Variants in SMIM36 observed in about 807,000 individuals in gnomAD.
SMIM36 encodes small integral membrane protein 36.
intron 3 of SMIM36, among the ~76,000 whole-genome samples, chr17:55,473,562 C>A (rs770825367): frequency 2.0e-5 from 3 of 152,062 alleles, no homozygotes; most frequent in Non-Finnish European, 2.9e-5. Context: ...TTCAGTGGAA[C>A]CTTCCTACTC....
At chr17:55,526,210 C>T in the SMIM36 span, among the ~76,000 whole-genome samples, 6 of 152,246 alleles carry the variant, frequency 3.9e-5, no homozygotes, top group African/African-American at 1.4e-4. Flanking sequence ...GTGGTGCGAT[C>T]TCGGCTCACT....
In SMIM36 at chr17:55,490,118, G is replaced by T. The variant is rs561015030; in HGVS notation, c.*175-10538C>A. On this transcript the variant is annotated intron_variant, in intron 1 of 4. Coordinates refer to ENST00000636752, the Ensembl canonical transcript of SMIM36. ...AATCTGCCTGCCTTGACCTCCCAAA[G>T]TGCTCGGATTATAGACAGGAGCCAC... is the stretch of plus-strand genomic sequence containing the variant. Among the ~76,000 whole-genome samples, 4 of 151,930 alleles carry T rather than the reference G, an allele frequency of 2.6e-5. No individual in the cohort carries two copies. The East Asian group carries it at 7.7e-4, about 29-fold the overall frequency.
chr17:55,524,108 T>C, the SMIM36 span, among the ~76,000 whole-genome samples: 1 of 152,144 alleles, frequency 6.6e-6, no homozygotes, highest in Non-Finnish European at 1.5e-5. Flanking sequence ...CCAGTGTCTG[T>C]TGTTCCCCTT....
At chr17:55,468,134 T>A (rs1909276039) in intron 3 of SMIM36, 2 of 152,366 alleles carry the variant, frequency 1.3e-5, no homozygotes, top group African/African-American at 4.8e-5. Flanking sequence ...ATTAAAAAGC[T>A]TTATTGCTCA....
intron 1 of SMIM36, among the ~76,000 whole-genome samples, chr17:55,499,105 G>C (rs1330574313): frequency 6.6e-6 from 1 of 151,638 alleles, no homozygotes; most frequent in Non-Finnish European, 1.5e-5. Flanking sequence ...CCAGTATAAA[G>C]TTCAGGCTTA....
At chr17:55,511,206 A>C (rs1267358698) in exon 1 of SMIM36, 2 of 398,520 alleles carry the variant, frequency 5.0e-6, no homozygotes, top group African/African-American at 4.1e-5. Flanking sequence ...CGTACTCCTT[A>C]CTGGGATCCT....
chr17:55,464,772 A>C (rs947178546), intron 4 of SMIM36, among the ~76,000 whole-genome samples: 1 of 152,218 alleles, frequency 6.6e-6, no homozygotes, highest in African/African-American at 2.4e-5. Context: ...CACAAATGCT[A>C]TTGATAAAGA....
exon 1 of SMIM36, chr17:55,511,231 T>C: frequency 5.0e-6 from 2 of 398,528 alleles, no homozygotes; most frequent in Non-Finnish European, 8.8e-6. Context: ...TCGGCAGTCG[T>C]ATAGCACGCA....
the SMIM36 span, among the ~76,000 whole-genome samples, chr17:55,530,754 G>A: frequency 1.3e-5 from 2 of 151,876 alleles, no homozygotes; most frequent in Non-Finnish European, 2.9e-5. Flanking sequence ...CTGTACTCCA[G>A]CCTGGGTGAC....
chr17:55,529,460 A>G, the SMIM36 span, among the ~76,000 whole-genome samples: 3 of 152,056 alleles, frequency 2.0e-5, no homozygotes, highest in East Asian at 5.8e-4. Context: ...CCCTCTATAC[A>G]AAAAATACAA....
chr17:55,468,928 T>C (rs973720003), intron 3 of SMIM36, among the ~76,000 whole-genome samples: 1 of 152,120 alleles, frequency 6.6e-6, no homozygotes, highest in South Asian at 2.1e-4. Flanking sequence ...ATCTAGATAA[T>C]GTATGTCGTA....
At chr17:55,469,934 A>C (rs1474905068) in intron 3 of SMIM36, among the ~76,000 whole-genome samples, 1 of 151,308 alleles carries the variant, frequency 6.6e-6, no homozygotes, top group African/African-American at 2.4e-5. Flanking sequence ...ATGAACTGAG[A>C]TTGTGCCATT....
the SMIM36 span, among the ~76,000 whole-genome samples, chr17:55,529,623 C>T: frequency 6.6e-6 from 1 of 151,756 alleles, no homozygotes; most frequent in Non-Finnish European, 1.5e-5. Context: ...CACACACACA[C>T]ACACACACAC....
chr17:55,529,411 C>A, the SMIM36 span, among the ~76,000 whole-genome samples: 1 of 152,058 alleles, frequency 6.6e-6, no homozygotes, highest in Non-Finnish European at 1.5e-5. Flanking sequence ...TCACTTGAGT[C>A]TAGGAGTTCA....
chr17:55,466,277 CAAAAAAAA>C lies in SMIM36; in HGVS notation c.*531+860_*531+867del, dbSNP rs796506078. ...GGGCAACAAGATCAAGACTCCGTCT[CAAAAAAAA>C]AAAAAAAAAAAAAAAAAGAAAGTGC... On this transcript the variant is annotated intron_variant, in intron 4 of 4. Coordinates refer to ENST00000636752, the Ensembl canonical transcript of SMIM36. 4.9e-4 allele frequency among the ~76,000 whole-genome samples: 23 copies of C among 46,880 alleles called. No homozygotes were observed. In the South Asian group the frequency reaches 5.1e-3, roughly 10 times the overall value. The allele number at this position is 46,880 out of a possible 152,430, so 30.8% of individuals were successfully genotyped here. A position where few individuals can be genotyped will look rare whatever the true frequency, so the allele number is the denominator to read the frequency against.
At chr17:55,468,281 C>T (rs2143253143) in intron 3 of SMIM36, 1 of 152,658 alleles carries the variant, frequency 6.6e-6, no homozygotes, top group South Asian at 2.1e-4. Flanking sequence ...GGTCCTCAGA[C>T]CAGCCCAAGG....
At chr17:55,500,004 GGTT>G (rs897836537) in intron 1 of SMIM36, among the ~76,000 whole-genome samples, 3 of 152,026 alleles carry the variant, frequency 2.0e-5, no homozygotes, top group Non-Finnish European at 2.9e-5. Flanking sequence ...TCAGTTCCTG[GGTT>G]GTTGTTTTTT....
intron 1 of SMIM36, among the ~76,000 whole-genome samples, chr17:55,488,424 G>A (rs1012471511): frequency 6.6e-6 from 1 of 152,166 alleles, no homozygotes; most frequent in Admixed American, 6.5e-5. Flanking sequence ...GCATAAAGAA[G>A]AACATTTTTA....
At chr17:55,464,007 C>T (rs529618837) in intron 4 of SMIM36, among the ~76,000 whole-genome samples, 5 of 151,866 alleles carry the variant, frequency 3.3e-5, no homozygotes, top group Admixed American at 6.6e-5. Flanking sequence ...CCTAGCTACT[C>T]GAGAGGCTGA....
Sources: allele counts gnomAD v4.1 joint callset (sites outside exome capture counted in the v4.1 genomes callset), GRCh38; gene constraint gnomAD v4.1.1; transcripts MANE v1.5; gene names NCBI Gene and HGNC (gene_info 2026-07-23, HGNC 2026-07-21).